The following NUCB2 variants were observed in gnomAD, a reference collection of about 807,000 sequenced individuals.
The protein encoded by NUCB2 is nucleobindin 2.
A neutral mutation model predicts 57.9 loss-of-function variants in NUCB2; 48 were observed. That is an observed-to-expected ratio of 0.83 (90% CI 0.66 to 1.05). The LOEUF (loss-of-function observed/expected upper bound fraction) is 1.05. Ranked by LOEUF, NUCB2 falls within the 50% of genes least tolerant of loss-of-function variation. The pLI, the probability that NUCB2 is intolerant of heterozygous loss-of-function variation, is 0.00. For synonymous variants in NUCB2, 139 were observed against 152.1 expected, an observed-to-expected ratio of 0.91 and a Z score of 0.64; for missense variants, 442 against 476.2, an observed-to-expected ratio of 0.93 and a Z score of 0.67.
At chr11:17,303,267 A>T (rs1264365539) in intron 5 of NUCB2, among the ~76,000 whole-genome samples, 1 of 152,216 alleles carries the variant, frequency 6.6e-6, no homozygotes, top group Non-Finnish European at 1.5e-5. Context: ...GCATAGAAAA[A>T]GAAGGAAAGC....
rs1948405064 is a variant in NUCB2, at chr11:17,310,987, A to T, written c.646A>T (p.Asn216Tyr). The change falls in exon 7 of 14, where the codon AAT (asparagine) becomes TAT (tyrosine). Residue 216 changes from asparagine to tyrosine, a missense_variant. By Grantham distance (143) the Asn-to-Tyr change is moderately radical (BLOSUM62 -2). Transcript: ENST00000529010. ...KFEEMKKKHENHPKVNHPGSK... is the reference protein window; with the variant it reads ...KFEEMKKKHEYHPKVNHPGSK... ...TGAAGAAATGAAGAAAAAGCATGAAAATCACCCTAAAGTTAATCACCCAGT... is the reference window on the plus strand; with the variant it reads ...TGAAGAAATGAAGAAAAAGCATGAATATCACCCTAAAGTTAATCACCCAGT... 1 of 1,579,932 alleles carries T rather than the reference A, an allele frequency of 6.3e-7. No homozygotes were observed. Among genetic ancestry groups the T allele is most frequent in the South Asian group, 1.2e-5 (1 of 83,588 alleles).
In NUCB2 at chr11:17,330,295, CA is replaced by C. The variant is rs763945585; in HGVS notation, c.1172del (p.Gln391ArgfsTer24). 2.5e-6 allele frequency: 4 copies of C among 1,588,390 alleles called. No individual in the cohort carries two copies. The highest frequency in any genetic ancestry group is 3.4e-6 in the Non-Finnish European group (4 of 1,173,178). On this transcript the variant is annotated frameshift_variant and splice_region_variant, in exon 12 of 14. Transcript: ENST00000529010. LOFTEE classifies it high-confidence loss of function. The surrounding 1 kb of genome is among the most constrained non-coding windows in gnomAD (Gnocchi z 4.3). Reference sequence around the variant, plus strand: ...GGAGGCTCAGAAGCTGGAATATCATCAGGTGGCATTTTGTCAAAAGATTATG... The same window carrying C: ...GGAGGCTCAGAAGCTGGAATATCATCGGTGGCATTTTGTCAAAAGATTATG... The part of the protein sequence containing the change: ...QLEAQKLEYH[Q>X]VIQQMEQKKL...
intron 2 of NUCB2, among the ~76,000 whole-genome samples, chr11:17,292,838 A>G (rs1473337602): frequency 1.3e-5 from 2 of 152,256 alleles, no homozygotes; most frequent in East Asian, 3.8e-4. Context: ...TAAACATTCA[A>G]TAGATGGTTT....
intron 11 of NUCB2, among the ~76,000 whole-genome samples, chr11:17,326,697 C>T (rs1428009115): frequency 1.3e-5 from 2 of 152,044 alleles, no homozygotes; most frequent in Non-Finnish European, 2.9e-5. Context: ...TATTTTTGAT[C>T]GGTTCCTCGT....
At chr11:17,296,989 A>G (rs2138459023) in intron 4 of NUCB2, among the ~76,000 whole-genome samples, 1 of 152,316 alleles carries the variant, frequency 6.6e-6, no homozygotes, top group Middle Eastern at 3.4e-3. Flanking sequence ...TGAGAACCCT[A>G]TTTGACATAA....
At chr11:17,281,439 C>T (rs1016173462) in intron 1 of NUCB2, among the ~76,000 whole-genome samples, 1 of 152,134 alleles carries the variant, frequency 6.6e-6, no homozygotes, top group African/African-American at 2.4e-5. Context: ...TTTTTAAGTT[C>T]TACCACTTTG....
Position 17,331,186 on chromosome 11 carries a change from A to G in NUCB2, c.1255+203A>G, listed in dbSNP as rs545812843. ...TGTAGCAGCAAATTTTAAGTGCTGTATCATTTGTATAATTTGATAACCATA... is the reference window on the plus strand; with the variant it reads ...TGTAGCAGCAAATTTTAAGTGCTGTGTCATTTGTATAATTTGATAACCATA... On this transcript the variant is annotated intron_variant, in intron 13 of 13. Coordinates refer to ENST00000529010, the MANE Select transcript of NUCB2 (RefSeq NM_005013.4). 3 of 551,226 alleles carry G rather than the reference A, an allele frequency of 5.4e-6. No individual in the cohort carries two copies. In the African/African-American group the frequency reaches 5.8e-5, roughly 11 times the overall value. The allele number at this position is 551,226 out of a possible 1,614,324, so 34.1% of individuals were successfully genotyped here.
intron 2 of NUCB2, among the ~76,000 whole-genome samples, chr11:17,294,298 C>T (rs539050238): frequency 6.6e-6 from 1 of 152,056 alleles, no homozygotes; most frequent in African/African-American, 2.4e-5. Flanking sequence ...GGCCCCCACC[C>T]CAGAGGTCTT....
chr11:17,296,338 C>A, intron 4 of NUCB2, 127 bp downstream of exon 4: 1 of 473,982 alleles, frequency 2.1e-6, no homozygotes, highest in Admixed American at 3.8e-5. Flanking sequence ...CCACCTCAGT[C>A]TCTCCAGTAG....
intron 2 of NUCB2, 132 bp downstream of exon 2, chr11:17,283,075 T>C (rs982002758): frequency 2.6e-5 from 4 of 152,190 alleles, no homozygotes; most frequent in Non-Finnish European, 5.9e-5. Flanking sequence ...ATTTTTTATA[T>C]AAAATAATAA....
intron 2 of NUCB2, among the ~76,000 whole-genome samples, chr11:17,288,955 A>ATTTTTTT (rs1944430718): frequency 1.7e-5 from 1 of 59,278 alleles, no homozygotes; most frequent in African/African-American, 1.0e-4. Flanking sequence ...ACACACATAT[A>ATTTTTTT]TATATATATT....
At chr11:17,347,670 AT>A (rs1484668880) in intron 2 of NUCB2, among the ~76,000 whole-genome samples, 2 of 152,102 alleles carry the variant, frequency 1.3e-5, no homozygotes, top group African/African-American at 4.8e-5. Flanking sequence ...CTTTATAATA[AT>A]TTTTTCATGA....
At chr11:17,318,233 T>A (rs958640738) in intron 11 of NUCB2, among the ~76,000 whole-genome samples, 1 of 151,804 alleles carries the variant, frequency 6.6e-6, no homozygotes, top group Non-Finnish European at 1.5e-5. Context: ...ACCAGGATGG[T>A]CTCAAACTCC....
chr11:17,344,894 T>C (rs772546755), intron 2 of NUCB2, among the ~76,000 whole-genome samples: 1 of 152,162 alleles, frequency 6.6e-6, no homozygotes, highest in Non-Finnish European at 1.5e-5. Context: ...GACCTAAGAA[T>C]GGAAGAGCTC....
intron 5 of NUCB2, among the ~76,000 whole-genome samples, chr11:17,305,242 T>A (rs960430878): frequency 2.0e-5 from 3 of 152,162 alleles, no homozygotes; most frequent in Non-Finnish European, 4.4e-5. Flanking sequence ...GAGAATCACT[T>A]GAACCTGGGA....
chr11:17,349,544 T>C (rs988570575), exon 3 of NUCB2: 21 of 152,228 alleles, frequency 1.4e-4, no homozygotes, highest in African/African-American at 5.1e-4. Context: ...TCCTTCTCTT[T>C]AAGGACATTT....
At chr11:17,344,664 CTCT>C (rs1216448676) in intron 2 of NUCB2, among the ~76,000 whole-genome samples, 12 of 152,160 alleles carry the variant, frequency 7.9e-5, no homozygotes, top group Non-Finnish European at 1.3e-4. Flanking sequence ...TTGATCTTTT[CTCT>C]AAGGAAGCCT....
At chr11:17,320,463 C>T (rs1949875085) in intron 11 of NUCB2, among the ~76,000 whole-genome samples, 1 of 152,030 alleles carries the variant, frequency 6.6e-6, no homozygotes, top group Non-Finnish European at 1.5e-5. Flanking sequence ...TGATATCAGA[C>T]CTGGCCAACA....
chr11:17,285,714 A>T, intron 2 of NUCB2, among the ~76,000 whole-genome samples: 1 of 145,776 alleles, frequency 6.9e-6, no homozygotes, highest in African/African-American at 2.5e-5. Flanking sequence ...ACTGCACTCC[A>T]GCCTGGGTGA....
Sources: gnomAD v4.1 joint callset for allele counts (sites outside exome capture counted in the v4.1 genomes callset) on GRCh38, gnomAD v4.1.1 for gene constraint, Gnocchi (gnomAD v3.1) non-coding constraint, MANE v1.5 for transcripts, NCBI Gene and HGNC (gene_info 2026-07-23, HGNC 2026-07-21) for gene names.